The following AATF variants were observed in gnomAD, a reference collection of about 807,000 sequenced individuals.
AATF encodes protein AATF.
AATF carries 48 observed loss-of-function variants against 63.7 expected under a neutral mutation model. The observed-to-expected ratio is 0.75, with a 90% CI of 0.60 to 0.96. The LOEUF (loss-of-function observed/expected upper bound fraction) is 0.96. AATF is among the 40% of genes least tolerant of loss of function. AATF has a pLI of 0.00. For synonymous variants in AATF, 258 were observed against 247.7 expected, an observed-to-expected ratio of 1.04 and a Z score of -0.39; for missense variants, 639 against 685.7, an observed-to-expected ratio of 0.93 and a Z score of 0.76.
intron 8 of AATF, chr17:36,998,923 T>A (rs985907389): frequency 2.0e-5 from 3 of 152,226 alleles, no homozygotes; most frequent in Non-Finnish European, 4.4e-5. Flanking sequence ...GATACAAAAA[T>A]GTACATGTGG....
At chr17:37,031,133 T>C (rs2071548588) in intron 10 of AATF, among the ~76,000 whole-genome samples, 1 of 152,162 alleles carries the variant, frequency 6.6e-6, no homozygotes, top group African/African-American at 2.4e-5. Flanking sequence ...GAGTTCCACA[T>C]CAGTGGATTC....
At chr17:37,034,052 G>T (rs2071571589) in intron 11 of AATF, among the ~76,000 whole-genome samples, 1 of 152,192 alleles carries the variant, frequency 6.6e-6, no homozygotes, top group South Asian at 2.1e-4. Context: ...GCTATCCCTT[G>T]TGGACTGATT....
intron 4 of AATF, among the ~76,000 whole-genome samples, chr17:36,984,000 A>G (rs1253620751): frequency 6.6e-6 from 1 of 152,208 alleles, no homozygotes; most frequent in Non-Finnish European, 1.5e-5. Flanking sequence ...GAACTTGTCT[A>G]ACTCATGTAT....
At chr17:36,976,885 T>C (rs1231456653) in intron 4 of AATF, among the ~76,000 whole-genome samples, 1 of 152,196 alleles carries the variant, frequency 6.6e-6, no homozygotes, top group Non-Finnish European at 1.5e-5. Flanking sequence ...GGAGAATGCA[T>C]TGTAATGTGC....
At chr17:37,013,841 A>G (rs1210330617) in intron 8 of AATF, among the ~76,000 whole-genome samples, 1 of 152,110 alleles carries the variant, frequency 6.6e-6, no homozygotes, top group Non-Finnish European at 1.5e-5. Flanking sequence ...TTTTCTGTGT[A>G]ACTATTGCTG....
In AATF at chr17:36,964,448, G is replaced by A. The variant is rs549344040; in HGVS notation, c.832+10541G>A. ...CCTGAACCCAGAAGGTGGAGGTTGC[G>A]GTGGGCCAAGATTGCGCCACCGCAC... On this transcript the variant is annotated intron_variant, in intron 4 of 11. Transcript: ENST00000619387. 4.6e-5 allele frequency among the ~76,000 whole-genome samples: 7 copies of A among 152,108 alleles called. No individual in the cohort carries two copies. The East Asian group carries it at 7.8e-4, about 17-fold the overall frequency.
At chr17:37,049,867 C>T (rs2071731975) in intron 11 of AATF, among the ~76,000 whole-genome samples, 1 of 152,100 alleles carries the variant, frequency 6.6e-6, no homozygotes, top group Non-Finnish European at 1.5e-5. Flanking sequence ...GAGTGGAGGC[C>T]TTGGGAAGAC....
chr17:37,044,920 G>A (rs112874381), intron 11 of AATF, among the ~76,000 whole-genome samples: 61 of 152,310 alleles, frequency 4.0e-4, no homozygotes, highest in Non-Finnish European at 7.2e-4. Context: ...GCAGGGCTCT[G>A]TAGTGATTTA....
chr17:37,031,304 G>T lies in AATF; in HGVS notation c.1548-310G>T, dbSNP rs140911707. On this transcript the variant is annotated intron_variant, in intron 10 of 11. Coordinates refer to ENST00000619387, the MANE Select transcript of AATF (RefSeq NM_012138.4). ...TAAGTATTTTAAGTAATCTAGAGAT[G>T]AATTAAGTATATGGGAGCATGTGTG... 313 of 360,190 alleles carry T rather than the reference G, an allele frequency of 8.7e-4. 5 individuals carry two copies. The East Asian group carries it at 0.011, about 12-fold the overall frequency. 22.3% of individuals were successfully genotyped at this position (360,190 alleles called of 1,614,324 possible).
At chr17:36,996,080 C>T (rs2071252590) in intron 8 of AATF, among the ~76,000 whole-genome samples, 1 of 152,112 alleles carries the variant, frequency 6.6e-6, no homozygotes, top group Non-Finnish European at 1.5e-5. Context: ...TTTGATGAAA[C>T]TTATTACGCA....
At chr17:37,001,066 C>G (rs994090083) in intron 8 of AATF, among the ~76,000 whole-genome samples, 2 of 151,530 alleles carry the variant, frequency 1.3e-5, no homozygotes, top group African/African-American at 4.9e-5. Flanking sequence ...GGCCTGTTAT[C>G]CCAATACTTT....
chr17:37,028,731 A>G (rs1168611276), intron 10 of AATF, among the ~76,000 whole-genome samples: 2 of 152,184 alleles, frequency 1.3e-5, no homozygotes, highest in Non-Finnish European at 2.9e-5. Context: ...GGTTGCAGTG[A>G]GCCGAGATAG....
chr17:37,048,742 T>C (rs1180116149), intron 11 of AATF, among the ~76,000 whole-genome samples: 1 of 152,190 alleles, frequency 6.6e-6, no homozygotes, highest in Non-Finnish European at 1.5e-5. Context: ...GGGCTGCCCC[T>C]ACCACACAGC....
intron 5 of AATF, 99 bp from the exon 6 acceptor site, chr17:36,988,420 G>A (rs2071185750): frequency 1.7e-6 from 2 of 1,147,842 alleles, no homozygotes; most frequent in Admixed American, 4.5e-5. Context: ...GACAGAACAG[G>A]TAAGGCCTAA....
intron 8 of AATF, among the ~76,000 whole-genome samples, chr17:37,008,655 A>G (rs1283869372): frequency 1.3e-5 from 2 of 152,182 alleles, no homozygotes; most frequent in African/African-American, 2.4e-5. Flanking sequence ...CTTGAGGTCA[A>G]GAGTTCAAGA....
At chr17:37,048,369 T>C (rs1172526411) in intron 11 of AATF, among the ~76,000 whole-genome samples, 6 of 140,228 alleles carry the variant, frequency 4.3e-5, no homozygotes, top group East Asian at 4.0e-4. Flanking sequence ...TTTTCTTTTT[T>C]TTTTTTTTTT....
intron 11 of AATF, among the ~76,000 whole-genome samples, chr17:37,035,544 T>C (rs1200711702): frequency 6.6e-6 from 1 of 151,636 alleles, no homozygotes; most frequent in African/African-American, 2.4e-5. Context: ...TTTCCAACTT[T>C]TTTTTTTTTT....
intron 4 of AATF, 74 bp from the exon 5 acceptor site, chr17:36,986,543 A>G: frequency 8.1e-7 from 1 of 1,242,014 alleles, no homozygotes; most frequent in Non-Finnish European, 1.2e-6. Flanking sequence ...CTCAGGAGTC[A>G]TGAGTTATAG....
intron 4 of AATF, 94 bp downstream of exon 4, chr17:36,954,001 T>A (rs2070878894): frequency 7.2e-7 from 1 of 1,391,098 alleles, no homozygotes; most frequent in Non-Finnish European, 9.8e-7. Flanking sequence ...GAGCCATGTT[T>A]ATTGTGCTTT....
Sources: gnomAD v4.1 joint callset for allele counts (sites outside exome capture counted in the v4.1 genomes callset) on GRCh38, gnomAD v4.1.1 for gene constraint, MANE v1.5 for transcripts, NCBI Gene and HGNC (gene_info 2026-07-23, HGNC 2026-07-21) for gene names.